DYNC1I1: variants seen among roughly 807,000 people sequenced by gnomAD.
DYNC1I1 encodes cytoplasmic dynein 1 intermediate chain 1.
A neutral mutation model predicts 86.6 loss-of-function variants in DYNC1I1; 43 were observed. That is an observed-to-expected ratio of 0.50 (90% CI 0.39 to 0.64). The LOEUF is 0.64. Among genes scored for constraint, DYNC1I1 ranks in the 30% least tolerant of loss-of-function variants. DYNC1I1 has a pLI of 0.00. For synonymous variants in DYNC1I1, 262 were observed against 283.7 expected (o/e 0.92, Z 0.77); for missense variants, 604 against 788.8 (o/e 0.77, Z 2.81).
chr7:95,927,140 GA>G (rs890920567), intron 6 of DYNC1I1, among the ~76,000 whole-genome samples: 47 of 151,962 alleles, frequency 3.1e-4, no homozygotes, highest in African/African-American at 9.6e-4. Context: ...GCAAAGAGGG[GA>G]AAAAAAGTGT....
chr7:95,932,692 A>G (rs1193786622), intron 6 of DYNC1I1, among the ~76,000 whole-genome samples: 4 of 152,112 alleles, frequency 2.6e-5, no homozygotes, highest in Non-Finnish European at 4.4e-5. Flanking sequence ...AAGCCTCACA[A>G]ATGTTAAGTG....
chr7:95,872,678 G>A (rs1315091639), intron 6 of DYNC1I1, among the ~76,000 whole-genome samples: 1 of 152,174 alleles, frequency 6.6e-6, no homozygotes, highest in Admixed American at 6.5e-5. Flanking sequence ...CATGAATACT[G>A]TTCTTTCAAC....
intron 6 of DYNC1I1, among the ~76,000 whole-genome samples, chr7:95,876,195 G>C (rs761596629): frequency 1.3e-5 from 2 of 151,802 alleles, no homozygotes; most frequent in Non-Finnish European, 2.9e-5. Flanking sequence ...CTCTCCTAAT[G>C]CTTCCCCCAG....
chr7:95,862,146 T>G (rs1005179202), intron 5 of DYNC1I1, among the ~76,000 whole-genome samples: 3 of 152,138 alleles, frequency 2.0e-5, no homozygotes, highest in Non-Finnish European at 4.4e-5. Context: ...TAGGCAATGA[T>G]TTTTTTAGAT....
At chr7:96,042,201 T>C (rs566296748) in intron 14 of DYNC1I1, among the ~76,000 whole-genome samples, 3 of 152,326 alleles carry the variant, frequency 2.0e-5, no homozygotes, top group South Asian at 4.1e-4. Flanking sequence ...GTTAAATTAC[T>C]ATGTTGGTGT....
At chr7:95,815,379 A>T (rs934526347) in intron 4 of DYNC1I1, among the ~76,000 whole-genome samples, 2 of 152,180 alleles carry the variant, frequency 1.3e-5, no homozygotes, top group Non-Finnish European at 2.9e-5. Flanking sequence ...TGCAAAGTGC[A>T]GGTTTCATAG....
rs1447944959 is a variant in DYNC1I1 at position 96,080,391 on chromosome 7, G to A, written c.1679G>A (p.Gly560Glu). The A allele has an allele frequency of 2.5e-6, 4 of 1,611,830 alleles. No individual in the cohort carries two copies. Among genetic ancestry groups the A allele is most frequent in the Non-Finnish European group, 3.4e-6 (4 of 1,179,054 alleles). The change falls in exon 16 of 17, where the codon GGG (glycine) becomes GAG (glutamate). Residue 560 changes from glycine (G) to glutamate (E), a missense_variant. Transcript: ENST00000447467. ...CCAACAGCAAGTGTGGCCATTGAGG[G>A]GGCATCCGCCCTAAACCGTGTTCGT... The part of the protein sequence containing the change: ...EVPTASVAIE[G>E]ASALNRVRWA...
At chr7:95,913,901 C>T (rs1353987873) in intron 6 of DYNC1I1, among the ~76,000 whole-genome samples, 1 of 152,214 alleles carries the variant, frequency 6.6e-6, no homozygotes, top group Non-Finnish European at 1.5e-5. Flanking sequence ...GTAGCCCCAT[C>T]CTCATCCCAG....
intron 14 of DYNC1I1, among the ~76,000 whole-genome samples, chr7:96,047,835 C>A (rs1207550595): frequency 6.6e-6 from 1 of 151,980 alleles, no homozygotes; most frequent in Non-Finnish European, 1.5e-5. Context: ...TATAACTCAT[C>A]CATGTAACAA....
chr7:95,925,468 C>T (rs1791719281), intron 6 of DYNC1I1, among the ~76,000 whole-genome samples: 1 of 152,130 alleles, frequency 6.6e-6, no homozygotes, highest in South Asian at 2.1e-4. Context: ...ACACATTATC[C>T]TGTATGCAAC....
intron 4 of DYNC1I1, among the ~76,000 whole-genome samples, chr7:95,825,110 G>A (rs1389544697): frequency 6.6e-6 from 1 of 152,182 alleles, no homozygotes; most frequent in African/African-American, 2.4e-5. Context: ...GAATAACATA[G>A]GTGTGCCAGG....
intron 10 of DYNC1I1, among the ~76,000 whole-genome samples, chr7:96,018,546 G>A (rs1040490934): frequency 6.6e-6 from 1 of 152,100 alleles, no homozygotes; most frequent in African/African-American, 2.4e-5. Context: ...ATGTAGCCGG[G>A]GATGACAGTG....
intron 6 of DYNC1I1, among the ~76,000 whole-genome samples, chr7:95,904,657 A>G (rs988672350): frequency 6.6e-6 from 1 of 152,286 alleles, no homozygotes; most frequent in East Asian, 1.9e-4. Flanking sequence ...ATACACATGC[A>G]CACATACACA....
At chr7:96,054,109 T>C (rs1420211220) in intron 14 of DYNC1I1, among the ~76,000 whole-genome samples, 1 of 152,184 alleles carries the variant, frequency 6.6e-6, no homozygotes, top group East Asian at 1.9e-4. Flanking sequence ...CTACATTAGA[T>C]ATTTCTCCTA....
chr7:95,796,934 AC>A (rs988514725), intron 1 of DYNC1I1, among the ~76,000 whole-genome samples: 1 of 152,082 alleles, frequency 6.6e-6, no homozygotes, highest in African/African-American at 2.4e-5. Flanking sequence ...CATGGGTAAA[AC>A]TGCTGGTATT....
intron 6 of DYNC1I1, among the ~76,000 whole-genome samples, chr7:95,896,479 A>G (rs2116290649): frequency 6.6e-6 from 1 of 152,322 alleles, no homozygotes; most frequent in East Asian, 1.9e-4. Context: ...GAATCCCCTC[A>G]GCAACTTTAT....
chr7:95,915,927 G>GT (rs1442202572), intron 6 of DYNC1I1, among the ~76,000 whole-genome samples: 1 of 152,156 alleles, frequency 6.6e-6, no homozygotes, highest in African/African-American at 2.4e-5. Context: ...CTTTTCATCC[G>GT]TATCTGTTCA....
chr7:95,897,560 T>A (rs1790916486), intron 6 of DYNC1I1, among the ~76,000 whole-genome samples: 1 of 152,168 alleles, frequency 6.6e-6, no homozygotes, highest in African/African-American at 2.4e-5. Flanking sequence ...AAGAAGAATT[T>A]AGCCCTTTGT....
At chr7:96,080,594 A>G in intron 16 of DYNC1I1, 106 bp downstream of exon 16, 1 of 1,585,644 alleles carries the variant, frequency 6.3e-7, no homozygotes, top group South Asian at 1.1e-5. Context: ...ACCCTCTCTA[A>G]CGTGCTTGTA....
Sources: allele counts gnomAD v4.1 joint callset (sites outside exome capture counted in the v4.1 genomes callset), GRCh38; gene constraint gnomAD v4.1.1; transcripts MANE v1.5; gene names NCBI Gene and HGNC (gene_info 2026-07-23, HGNC 2026-07-21).